REV1: variants seen among roughly 807,000 people sequenced by gnomAD.
REV1 encodes REV1 DNA directed polymerase.
REV1 carries 42 observed loss-of-function variants against 137.4 expected under a neutral mutation model. The ratio of observed to expected loss-of-function variants is 0.31; its 90% CI spans 0.24 to 0.40. The LOEUF is 0.40. REV1 is among the 10% of genes least tolerant of loss of function. REV1 has a pLI of 1.00. For synonymous variants in REV1, 524 were observed against 519.2 expected, an observed-to-expected ratio of 1.01 and a Z score of -0.12; for missense variants, 1,282 against 1,490.1, an observed-to-expected ratio of 0.86 and a Z score of 2.30.
At chr2:99,425,053 T>A (rs1383021738) in intron 9 of REV1, among the ~76,000 whole-genome samples, 1 of 152,184 alleles carries the variant, frequency 6.6e-6, no homozygotes, top group African/African-American at 2.4e-5. Flanking sequence ...GAAAAAAAAT[T>A]ATAGTAAAAA....
chr2:99,471,414 T>C (rs1685396885), intron 1 of REV1, among the ~76,000 whole-genome samples: 1 of 141,124 alleles, frequency 7.1e-6, no homozygotes. Flanking sequence ...CTTTACACCA[T>C]GTTAAAAAAA....
chr2:99,467,904 G>C (rs1684991533), intron 1 of REV1, among the ~76,000 whole-genome samples: 1 of 152,190 alleles, frequency 6.6e-6, no homozygotes. Context: ...AAGATTGCTG[G>C]GCACGATGGC....
chr2:99,483,632 A>G (rs1686845739), intron 1 of REV1, among the ~76,000 whole-genome samples: 2 of 152,344 alleles, frequency 1.3e-5, no homozygotes, highest in African/African-American at 2.4e-5. Flanking sequence ...ATAGAGGACA[A>G]AATTTTTTTC....
Position 99,403,040 on chromosome 2 carries a change from T to G in REV1, c.3233A>C (p.Lys1078Thr), listed in dbSNP as rs1473916720. 1 of 1,613,974 alleles carries G rather than the reference T, an allele frequency of 6.2e-7. No individual in the cohort carries two copies. Among genetic ancestry groups the G allele is most frequent in the Non-Finnish European group, 8.5e-7 (1 of 1,180,016 alleles). Residue 1078 changes from lysine (K) to threonine (T), a missense_variant, in exon 20 of 23, where the codon AAA (lysine) becomes ACA (threonine). Coordinates refer to ENST00000258428, the MANE Select transcript of REV1 (RefSeq NM_016316.4). ...VKEKKRNKKKKTIGSPKRIQS... is the reference protein window; with the variant it reads ...VKEKKRNKKKTTIGSPKRIQS... ...AATCCTTTTTGGTGAACCAATGGTT[T>G]TTTTCTTCTTGTTTCTTTTCTTTTC... is the stretch of plus-strand genomic sequence containing the variant.
intron 2 of REV1, among the ~76,000 whole-genome samples, chr2:99,463,396 G>C (rs1684446390): frequency 6.6e-6 from 1 of 151,880 alleles, no homozygotes; most frequent in African/African-American, 2.4e-5. Context: ...GTGCATGCCT[G>C]TAATCCCAGT....
chr2:99,405,797 C>A, intron 17 of REV1, 113 bp downstream of exon 17: 1 of 715,336 alleles, frequency 1.4e-6, no homozygotes, highest in Non-Finnish European at 2.0e-6. Flanking sequence ...TTCTCCCTTT[C>A]TTGGTTAAAC....
In REV1 at chr2:99,449,370, C is replaced by A; in HGVS notation, c.316G>T (p.Glu106Ter). The change falls in exon 4 of 23, where the codon GAA (glutamate) becomes TAA (stop). Residue 106 changes from glutamate to a stop codon, truncating the protein, a stop_gained. Coordinates refer to ENST00000258428, the MANE Select transcript of REV1 (RefSeq NM_016316.4). LOFTEE classifies it high-confidence loss of function. ...PNAKIKELKG[E>*]KVIRPEWIVE... Reference sequence around the variant, plus strand: ...ATCCATTCTGGTCGAATTACTTTTTCCCCCTTTAATTCTTTAATTTTGGCA... The same window carrying A: ...ATCCATTCTGGTCGAATTACTTTTTACCCCTTTAATTCTTTAATTTTGGCA... The A allele has an allele frequency of 6.4e-7, 1 of 1,554,978 alleles. No homozygotes were observed. Among genetic ancestry groups the A allele is most frequent in the Non-Finnish European group, 8.7e-7 (1 of 1,154,382 alleles).
intron 3 of REV1, among the ~76,000 whole-genome samples, chr2:99,455,149 C>A (rs1683396010): frequency 6.6e-6 from 1 of 152,200 alleles, no homozygotes; most frequent in Non-Finnish European, 1.5e-5. Context: ...ATCCAAAGAA[C>A]TTAATTAATT....
intron 1 of REV1, among the ~76,000 whole-genome samples, chr2:99,479,338 A>C (rs946099289): frequency 1.3e-5 from 2 of 151,464 alleles, no homozygotes; most frequent in Admixed American, 6.6e-5. Flanking sequence ...AAAAAAAAAA[A>C]AAAAAACAAA....
intron 22 of REV1, 99 bp downstream of exon 22, chr2:99,402,145 A>G (rs983859185): frequency 1.6e-6 from 1 of 611,308 alleles, no homozygotes; most frequent in East Asian, 2.9e-5. Flanking sequence ...ATTAACCCTA[A>G]TGAGTACAGT....
intron 16 of REV1, 66 bp downstream of exon 16, chr2:99,406,259 A>G: frequency 6.7e-6 from 10 of 1,503,174 alleles, no homozygotes; most frequent in Non-Finnish European, 8.9e-6. Flanking sequence ...CAATTTTAAA[A>G]CCAACTGCCG....
At chr2:99,476,359 C>A (rs1341129543) in intron 1 of REV1, among the ~76,000 whole-genome samples, 4 of 152,110 alleles carry the variant, frequency 2.6e-5, no homozygotes, top group Non-Finnish European at 4.4e-5. Flanking sequence ...AGTTCGAGAC[C>A]AGCCTGGCCA....
chr2:99,406,149 G>A, intron 16 of REV1, 43 bp from the exon 17 acceptor site: 1 of 1,519,204 alleles, frequency 6.6e-7, no homozygotes, highest in Non-Finnish European at 8.9e-7. Flanking sequence ...CAGATCATCG[G>A]GCAGGGCCTT....
At chr2:99,447,780 C>T (rs181232686) in intron 4 of REV1, among the ~76,000 whole-genome samples, 9 of 151,352 alleles carry the variant, frequency 5.9e-5, no homozygotes, top group Admixed American at 2.0e-4. Context: ...GGTGCAGTGG[C>T]GCCATCTCAG....
intron 11 of REV1, among the ~76,000 whole-genome samples, chr2:99,419,700 A>G (rs1678406709): frequency 6.6e-6 from 1 of 152,204 alleles, no homozygotes; most frequent in Non-Finnish European, 1.5e-5. Flanking sequence ...CAAAACACAG[A>G]GACAGGCAGT....
chr2:99,450,090 T>C (rs906061623), intron 3 of REV1, among the ~76,000 whole-genome samples: 16 of 152,086 alleles, frequency 1.1e-4, no homozygotes, highest in African/African-American at 3.9e-4. Context: ...TTCCCTAATA[T>C]GAAATTTCAT....
Position 99,435,939 on chromosome 2 carries a change from C to A in REV1, c.1216G>T (p.Asp406Tyr). The A allele has an allele frequency of 6.5e-7, 1 of 1,543,918 alleles. No homozygotes were observed. The highest frequency in any genetic ancestry group is 1.1e-5 in the South Asian group (1 of 88,012). Reference protein sequence around the residue: ...RSALVVTDTGDMSVLNSPRHQ... With the variant: ...RSALVVTDTGYMSVLNSPRHQ... ...CTGGGAGAATTCAATACTGACATAT[C>A]TCCTAGAAGGAAAAAGACAGCATTC... is the stretch of plus-strand genomic sequence containing the variant. The change falls in exon 7 of 23, where the codon GAT becomes TAT. Residue 406 changes from aspartate to tyrosine, a missense_variant and splice_region_variant. Coordinates refer to ENST00000258428, the MANE Select transcript of REV1 (RefSeq NM_016316.4).
chr2:99,440,780 C>A (rs916701075), intron 5 of REV1, among the ~76,000 whole-genome samples: 4 of 152,136 alleles, frequency 2.6e-5, no homozygotes. Context: ...AAGTGATGTA[C>A]GTCAGAAAGT....
At chr2:99,477,134 T>A (rs1029986174) in intron 1 of REV1, among the ~76,000 whole-genome samples, 1 of 152,192 alleles carries the variant, frequency 6.6e-6, no homozygotes, top group Non-Finnish European at 1.5e-5. Flanking sequence ...CATTCTTCTT[T>A]CTTACTTTTA....
Sources: gnomAD v4.1 joint callset for allele counts (sites outside exome capture counted in the v4.1 genomes callset) on GRCh38, gnomAD v4.1.1 for gene constraint, MANE v1.5 for transcripts, NCBI Gene and HGNC (gene_info 2026-07-23, HGNC 2026-07-21) for gene names.